Variants in GREB1 observed in about 807,000 individuals in gnomAD.
GREB1 encodes growth regulating estrogen receptor binding 1.
In GREB1, 106 loss-of-function variants were observed where a neutral mutation model predicts 200.7. The ratio of observed to expected loss-of-function variants is 0.53; its 90% CI spans 0.45 to 0.62. GREB1 has a LOEUF of 0.62. Ranked by LOEUF, GREB1 falls within the 20% of genes least tolerant of loss-of-function variation. The probability of loss-of-function intolerance (pLI) is 0.00; values close to 1 mark genes in which losing one functional copy is unlikely to be tolerated. For synonymous variants in GREB1, 1,132 were observed against 1,092.4 expected (o/e 1.04, Z -0.72); for missense variants, 2,243 against 2,556.8 (o/e 0.88, Z 2.65).
intron 1 of GREB1, among the ~76,000 whole-genome samples, chr2:11,536,945 T>C (rs777499749): frequency 2.7e-5 from 4 of 149,570 alleles, no homozygotes; most frequent in Non-Finnish European, 4.4e-5. Flanking sequence ...TAGAGGCAAG[T>C]ACCATAGATA....
At position 11,602,364 on chromosome 2, in the gene GREB1, C is replaced by T. The variant is rs202032244; in HGVS notation, c.2530-42C>T. On this transcript the variant is annotated intron_variant, in intron 16 of 32. Coordinates refer to ENST00000381486, the MANE Select transcript of GREB1 (RefSeq NM_014668.4). ...GCACACGAACCTCTGACCGTCCCTGCGAATGCAGTGTTGGAGTGACCGACG... is the reference window on the plus strand; with the variant it reads ...GCACACGAACCTCTGACCGTCCCTGTGAATGCAGTGTTGGAGTGACCGACG... 2.9e-5 allele frequency: 46 copies of T among 1,593,294 alleles called. No individual in the cohort carries two copies. The East Asian group carries it at 4.5e-4, about 16-fold the overall frequency.
chr2:11,566,431 G>T, intron 3 of GREB1, 49 bp from the exon 4 acceptor site: 1 of 1,535,296 alleles, frequency 6.5e-7, no homozygotes. Context: ...CTGTGACCCC[G>T]CTTCTGGGAA....
chr2:11,483,738 C>T (rs1392441019), intron 1 of GREB1, among the ~76,000 whole-genome samples: 19 of 148,964 alleles, frequency 1.3e-4, no homozygotes, highest in Admixed American at 1.1e-3. Flanking sequence ...GTGTGTGGCC[C>T]GGCCACCAGG....
chr2:11,576,455 A>G lies in GREB1; in HGVS notation c.557A>G (p.Gln186Arg). ...AAACTGACCACTCAACCCAAGAAGC[A>G]GAAACACTTGAAGTATTACCTGGTC... is the stretch of plus-strand genomic sequence containing the variant. Reference protein sequence around the residue: ...NLKLTTQPKKQKHLKYYLVRN... With the variant: ...NLKLTTQPKKRKHLKYYLVRN... Residue 186 changes from glutamine to arginine, a missense_variant, in exon 5 of 33, where the codon CAG (glutamine) becomes CGG (arginine). By Grantham distance (43) the Gln-to-Arg change is conservative. This residue lies in a region of GREB1 where 1,178 missense variants were observed against 1,387.4 expected (regional missense o/e 0.85). Transcript: ENST00000381486. 1 of 1,614,124 alleles carries G rather than the reference A, an allele frequency of 6.2e-7. No homozygotes were observed. The highest frequency in any genetic ancestry group is 8.5e-7 in the Non-Finnish European group (1 of 1,179,918).
chr2:11,483,885 T>A (rs1201077344), intron 1 of GREB1, among the ~76,000 whole-genome samples: 2 of 152,230 alleles, frequency 1.3e-5, no homozygotes, highest in Non-Finnish European at 2.9e-5. Flanking sequence ...GAAGCTTTTC[T>A]TTAATAAACT....
intron 1 of GREB1, among the ~76,000 whole-genome samples, chr2:11,517,818 A>AT (rs1252737752): frequency 2.0e-5 from 3 of 151,754 alleles, no homozygotes; most frequent in South Asian, 4.2e-4. Flanking sequence ...TGCCCGGCTA[A>AT]TTTTTTTTGT....
chr2:11,514,993 T>C (rs767280835), intron 1 of GREB1, among the ~76,000 whole-genome samples: 2 of 151,576 alleles, frequency 1.3e-5, no homozygotes, highest in Non-Finnish European at 1.5e-5. Flanking sequence ...CATCCGCGCA[T>C]GTGTCCATCC....
chr2:11,527,489 T>G (rs1437933694), intron 1 of GREB1, among the ~76,000 whole-genome samples: 1 of 152,166 alleles, frequency 6.6e-6, no homozygotes, highest in African/African-American at 2.4e-5. Context: ...AAAGATAACT[T>G]CACGAGGGAC....
chr2:11,619,353 C>A (rs1415529596), intron 22 of GREB1, among the ~76,000 whole-genome samples: 1 of 152,140 alleles, frequency 6.6e-6, no homozygotes, highest in African/African-American at 2.4e-5. Flanking sequence ...AACAAAAGTC[C>A]ATTTCACCTC....
At chr2:11,550,019 G>C (rs1483488059) in intron 1 of GREB1, among the ~76,000 whole-genome samples, 1 of 152,138 alleles carries the variant, frequency 6.6e-6, no homozygotes, top group African/African-American at 2.4e-5. Context: ...GGAGATTCAA[G>C]ACCAGCCTGG....
chr2:11,568,925 G>T (rs571733985), intron 4 of GREB1, among the ~76,000 whole-genome samples: 22 of 152,334 alleles, frequency 1.4e-4, no homozygotes, highest in African/African-American at 4.8e-4. Flanking sequence ...TAGGTTTCCT[G>T]CAATTAAGTC....
chr2:11,618,722 C>T lies in GREB1; in HGVS notation c.3847C>T (p.Leu1283Phe). ...CAGTGGCCTGCCCAAGGCCGCCTCCCTCCTGCCCTCCCCCTCGGTCATGTG... is the reference window on the plus strand; with the variant it reads ...CAGTGGCCTGCCCAAGGCCGCCTCCTTCCTGCCCTCCCCCTCGGTCATGTG... Reference protein sequence around the residue: ...DSSGLPKAASLLPSPSVMWAS... With the variant: ...DSSGLPKAASFLPSPSVMWAS... Residue 1283 changes from leucine to phenylalanine, a missense_variant, in exon 22 of 33, where the codon CTC becomes TTC. Coordinates refer to ENST00000381486, the MANE Select transcript of GREB1 (RefSeq NM_014668.4). 6.2e-7 allele frequency: 1 copy of T among 1,613,680 alleles called. No individual in the cohort carries two copies. The highest frequency in any genetic ancestry group is 8.5e-7 in the Non-Finnish European group (1 of 1,179,872).
Position 11,600,912 on chromosome 2 carries a change from ACCT to A in GREB1, c.2450_2452del (p.Ser817del), listed in dbSNP as rs768212618. 6.2e-7 allele frequency: 1 copy of A among 1,613,942 alleles called. No individual in the cohort carries two copies. Among genetic ancestry groups the A allele is most frequent in the Non-Finnish European group, 8.5e-7 (1 of 1,179,946 alleles). On this transcript the variant is annotated inframe_deletion, in exon 16 of 33. Transcript: ENST00000381486. ...CCCCAACATTGTGACACTTCACGTG[ACCT>A]CCTTCCCGTATGCACTGCAGACACA... is the stretch of plus-strand genomic sequence containing the variant.
At chr2:11,568,558 C>T (rs1677929017) in intron 4 of GREB1, among the ~76,000 whole-genome samples, 1 of 152,284 alleles carries the variant, frequency 6.6e-6, no homozygotes. Context: ...ACGCTTACGA[C>T]AGTCGCCCAG....
Position 11,635,319 on chromosome 2 carries a change from C to T in GREB1, c.5260C>T (p.Leu1754Phe). The change falls in exon 30 of 33, where the codon CTC (leucine) becomes TTC (phenylalanine). Residue 1754 changes from leucine (L) to phenylalanine (F), a missense_variant. By Grantham distance (22) the Leu-to-Phe change is conservative. Around this residue, in one of 3 missense-constraint regions of GREB1, gnomAD observed 478 missense variants for 616.3 expected, o/e 0.78. Transcript: ENST00000381486. ...CAACCTGCGGGTGCACAGCGCCGGC[C>T]TCCTGCTCTGCCGGTTCAACCGCTT... is the stretch of plus-strand genomic sequence containing the variant. ...DFNLRVHSAG[L>F]LLCRFNRFSV... The T allele has an allele frequency of 6.2e-7, 1 of 1,614,186 alleles. No individual in the cohort carries two copies.
At position 11,610,735 on chromosome 2, in the gene GREB1, A is replaced by G. The variant is rs773039094; in HGVS notation, c.2714A>G (p.Gln905Arg). ...SAVIRTFVLV[Q>R]HYAAALMAVS... ...GTGATCAGGACCTTTGTTCTCGTGCAGCACTACGCGGCCGCCCTGATGGCC... is the reference window on the plus strand; with the variant it reads ...GTGATCAGGACCTTTGTTCTCGTGCGGCACTACGCGGCCGCCCTGATGGCC... The change falls in exon 18 of 33, where the codon CAG (glutamine) becomes CGG (arginine). Residue 905 changes from glutamine (Q) to arginine (R), a missense_variant. By Grantham distance (43) the Gln-to-Arg change is conservative. Around this residue, in one of 3 missense-constraint regions of GREB1, gnomAD observed 1,178 missense variants for 1,387.4 expected, o/e 0.85. Coordinates refer to ENST00000381486, the MANE Select transcript of GREB1 (RefSeq NM_014668.4). 3.1e-6 allele frequency: 5 copies of G among 1,613,340 alleles called. No homozygotes were observed. The East Asian group carries it at 8.9e-5, about 29-fold the overall frequency.
chr2:11,506,989 G>T (rs1673198291), intron 1 of GREB1, among the ~76,000 whole-genome samples: 1 of 152,126 alleles, frequency 6.6e-6, no homozygotes. Flanking sequence ...TGCTGATTTT[G>T]ATATAGAATT....
intron 1 of GREB1, among the ~76,000 whole-genome samples, chr2:11,542,466 G>T (rs1192669400): frequency 6.6e-6 from 1 of 152,168 alleles, no homozygotes; most frequent in Middle Eastern, 3.2e-3. Context: ...ACTGTTCTGG[G>T]CTCTGAGAGG....
chr2:11,527,102 C>T (rs1364451282), intron 1 of GREB1, among the ~76,000 whole-genome samples: 2 of 152,142 alleles, frequency 1.3e-5, no homozygotes, highest in Admixed American at 6.5e-5. Flanking sequence ...TCACTATAGT[C>T]ATGTAAACAC....
Sources: allele counts gnomAD v4.1 joint callset (sites outside exome capture counted in the v4.1 genomes callset), GRCh38; gene constraint gnomAD v4.1.1; regional missense constraint gnomAD v4.1.1; transcripts MANE v1.5; gene names NCBI Gene and HGNC (gene_info 2026-07-23, HGNC 2026-07-21).